The following MACF1 variants were observed in gnomAD, a reference collection of about 807,000 sequenced individuals.
The protein encoded by MACF1 is microtubule actin crosslinking factor 1, also known as microtubule-actin cross-linking factor 1.
A neutral mutation model predicts 854.8 loss-of-function variants in MACF1; 193 were observed. The ratio of observed to expected loss-of-function variants is 0.23; its 90% CI spans 0.20 to 0.25. MACF1 has a LOEUF of 0.25. Among genes scored for constraint, MACF1 ranks in the 10% least tolerant of loss-of-function variants. The pLI is 1.00. For synonymous variants in MACF1, 3,185 were observed against 3,226.7 expected (o/e 0.99, Z 0.44); for missense variants, 7,722 against 8,929.1 (o/e 0.86, Z 5.45).
chr1:39,232,088 A>C (rs957233424), intron 2 of MACF1, among the ~76,000 whole-genome samples: 4 of 148,764 alleles, frequency 2.7e-5, no homozygotes, highest in Non-Finnish European at 4.5e-5. Context: ...ACTCACCTAA[A>C]GATAATAATA....
intron 58 of MACF1, among the ~76,000 whole-genome samples, chr1:39,401,429 T>A (rs1642473387): frequency 6.6e-6 from 1 of 152,228 alleles, no homozygotes; most frequent in Admixed American, 6.5e-5. Context: ...CATCTCTTAA[T>A]ATTAATCAAT....
At chr1:39,313,119 A>C (rs1006310947) in intron 26 of MACF1, among the ~76,000 whole-genome samples, 3 of 152,120 alleles carry the variant, frequency 2.0e-5, no homozygotes, top group African/African-American at 7.2e-5. Context: ...TAAATGTAGA[A>C]TATTTTGTCC....
chr1:39,438,025 A>T lies in MACF1; in HGVS notation c.18220+17A>T, dbSNP rs1233847298. The T allele has an allele frequency of 2.5e-6, 4 of 1,603,638 alleles. No homozygotes were observed. Among genetic ancestry groups the T allele is most frequent in the Admixed American group, 3.4e-5 (2 of 59,344 alleles). On this transcript the variant is annotated intron_variant, in intron 71 of 100. Coordinates refer to ENST00000564288, the MANE Select transcript of MACF1 (RefSeq NM_001394062.1). ...CTGCAAAAGGTGCTTGATGATTGTC[A>T]TTATTTTTAAAAATCAACAGAATAA...
intron 26 of MACF1, among the ~76,000 whole-genome samples, chr1:39,312,080 A>G (rs957547900): frequency 7.9e-5 from 12 of 152,158 alleles, no homozygotes; most frequent in Non-Finnish European, 1.5e-5. Context: ...CCTGAAAAAT[A>G]GAACTCACTA....
rs570751460 is a variant in MACF1, at chr1:39,358,474, A to G, written c.11944-223A>G. Among the ~76,000 whole-genome samples, 14 of 152,244 alleles carry G rather than the reference A, an allele frequency of 9.2e-5. No homozygotes were observed. In the East Asian group the frequency reaches 2.7e-3, roughly 29 times the overall value. ...GGAAGCTTGTCATACATCTCATTAA[A>G]TTTTCCTGGGAATGTAAGAAGGTCA... On this transcript the variant is annotated intron_variant, in intron 45 of 100. Transcript: ENST00000564288.
At chr1:39,130,144 A>G (rs1401409497) in intron 2 of MACF1, among the ~76,000 whole-genome samples, 1 of 152,144 alleles carries the variant, frequency 6.6e-6, no homozygotes, top group African/African-American at 2.4e-5. Flanking sequence ...GATCCCTTTC[A>G]GAGTTTATTT....
At chr1:39,262,030 G>T (rs1008844826) in intron 6 of MACF1, among the ~76,000 whole-genome samples, 3 of 152,114 alleles carry the variant, frequency 2.0e-5, no homozygotes, top group Non-Finnish European at 4.4e-5. Context: ...GTTTTAGTTT[G>T]CAGGAAAATG....
Position 39,368,256 on chromosome 1 carries a change from G to A in MACF1, c.12880G>A (p.Asp4294Asn). 1 of 1,614,162 alleles carries A rather than the reference G, an allele frequency of 6.2e-7. No homozygotes were observed. The highest frequency in any genetic ancestry group is 1.1e-5 in the South Asian group (1 of 91,084). The change falls in exon 50 of 101, where the codon GAC (aspartate) becomes AAC (asparagine). Residue 4294 changes from aspartate to asparagine, a missense_variant. Around this residue, in one of 15 missense-constraint regions of MACF1, gnomAD observed 2,807 missense variants for 3,235.8 expected, o/e 0.87. Coordinates refer to ENST00000564288, the MANE Select transcript of MACF1 (RefSeq NM_001394062.1). ...GFALDLCQHQ[D>N]RVQNLRKDFT... is the part of the protein sequence containing the mutation. The stretch of plus-strand genomic sequence containing the variant: ...TGCGCTGGACTTGTGCCAGCATCAG[G>A]ACAGGGTACAGAATCTAAGAAAAGA...
At chr1:39,309,466 T>C in intron 23 of MACF1, 104 bp from the exon 24 acceptor site, 5 of 1,372,368 alleles carry the variant, frequency 3.6e-6, no homozygotes, top group Non-Finnish European at 5.0e-6. Flanking sequence ...CTGCTCAACA[T>C]ATAAGCTCAA....
rs760498305 is a variant in MACF1 at position 39,336,621 on chromosome 1, G to A, written c.10033G>A (p.Gly3345Ser). The A allele has an allele frequency of 1.2e-6, 2 of 1,613,136 alleles. No homozygotes were observed. Among genetic ancestry groups the A allele is most frequent in the Admixed American group, 1.7e-5 (1 of 59,908 alleles). ...MTAPEGKGNG[G>S]VNPEPFRATQ... ...TGCACCTGAAGGAAAGGGAAATGGA[G>A]GTGTAAACCCAGAGCCCTTCAGAGC... Residue 3345 changes from glycine (G) to serine (S), a missense_variant, in exon 37 of 101, where the codon GGT becomes AGT. By Grantham distance (56) the Gly-to-Ser change is moderately conservative. This residue lies in a region of MACF1 where 854 missense variants were observed against 852.6 expected (regional missense o/e 1.00). Transcript: ENST00000564288.
intron 47 of MACF1, among the ~76,000 whole-genome samples, chr1:39,360,188 T>G (rs924679483): frequency 1.1e-4 from 17 of 150,916 alleles, no homozygotes; most frequent in Non-Finnish European, 2.2e-4. Flanking sequence ...TGTGAGGTAA[T>G]GCATATGTTA....
At chr1:39,461,066 A>C (rs1188741083) in intron 92 of MACF1, among the ~76,000 whole-genome samples, 4 of 150,284 alleles carry the variant, frequency 2.7e-5, no homozygotes, top group Non-Finnish European at 5.9e-5. Context: ...CCTGGGCAAC[A>C]GAGTGAGACT....
Position 39,350,777 on chromosome 1 carries a change from G to T in MACF1, c.10966-8G>T, listed in dbSNP as rs1163624757. The T allele has an allele frequency of 1.9e-6, 3 of 1,606,606 alleles. No homozygotes were observed. The highest frequency in any genetic ancestry group is 1.3e-5 in the African/African-American group (1 of 74,750). ...AAGGCTCTGCCATTCCTATTTTCTT[G>T]TGTTAAGGATTTACAGGATGACATT... is the stretch of plus-strand genomic sequence containing the variant. On this transcript the variant is annotated splice_region_variant and splice_polypyrimidine_tract_variant and intron_variant, in intron 42 of 100. Transcript: ENST00000564288.
chr1:39,379,366 G>C lies in MACF1; in HGVS notation c.13440G>C (p.Glu4480Asp), dbSNP rs1488276921. 2 of 1,613,998 alleles carry C rather than the reference G, an allele frequency of 1.2e-6. No homozygotes were observed. Among genetic ancestry groups the C allele is most frequent in the Non-Finnish European group, 1.7e-6 (2 of 1,180,004 alleles). The change falls in exon 54 of 101, where the codon GAG (glutamate) becomes GAC (aspartate). Residue 4480 changes from glutamate to aspartate, a missense_variant. Physicochemically the swap from Glu to Asp is conservative, Grantham distance 45. Around this residue, in one of 15 missense-constraint regions of MACF1, gnomAD observed 2,807 missense variants for 3,235.8 expected, o/e 0.87. Coordinates refer to ENST00000564288, the MANE Select transcript of MACF1 (RefSeq NM_001394062.1). ...NSVLQWLESKEEVLKSMDAMS... is the reference protein window; with the variant it reads ...NSVLQWLESKDEVLKSMDAMS... The stretch of plus-strand genomic sequence containing the variant: ...TGCTGCAGTGGCTGGAATCAAAAGA[G>C]GAAGTCCTGAAATCCATGGATGCCA...
At chr1:39,363,752 A>G (rs1397417910) in intron 49 of MACF1, among the ~76,000 whole-genome samples, 1 of 152,028 alleles carries the variant, frequency 6.6e-6, no homozygotes, top group African/African-American at 2.4e-5. Flanking sequence ...AGCTGGGATT[A>G]TAGGTGCCTG....
intron 6 of MACF1, chr1:39,269,313 T>C (rs1160944550): frequency 7.8e-7 from 1 of 1,289,866 alleles, no homozygotes; most frequent in Non-Finnish European, 1.0e-6. Context: ...TAGGACAGAC[T>C]ACCCCACTGA....
At chr1:39,404,616 A>G (rs1214534799) in intron 58 of MACF1, among the ~76,000 whole-genome samples, 1 of 152,190 alleles carries the variant, frequency 6.6e-6, no homozygotes, top group Non-Finnish European at 1.5e-5. Flanking sequence ...CAACCTCCCA[A>G]GTAGCTAGGA....
At chr1:39,458,180 A>G (rs928178681) in intron 89 of MACF1, 190 bp from the exon 90 acceptor site, 1 of 555,204 alleles carries the variant, frequency 1.8e-6, no homozygotes, top group Non-Finnish European at 3.2e-6. Flanking sequence ...TGGAAATCAC[A>G]TTTCAACATG....
intron 52 of MACF1, among the ~76,000 whole-genome samples, chr1:39,377,105 G>A (rs1649788539): frequency 6.6e-6 from 1 of 151,970 alleles, no homozygotes; most frequent in African/African-American, 2.4e-5. Context: ...CTGCCTCCCG[G>A]GTTCAATCGA....
Sources: gnomAD v4.1 joint callset for allele counts (sites outside exome capture counted in the v4.1 genomes callset) on GRCh38, gnomAD v4.1.1 for gene constraint, gnomAD v4.1.1 regional missense constraint, MANE v1.5 for transcripts, NCBI Gene and HGNC (gene_info 2026-07-23, HGNC 2026-07-21) for gene names.